GALNT9: variants seen among roughly 807,000 people sequenced by gnomAD.
GALNT9 encodes the protein polypeptide N-acetylgalactosaminyltransferase 9, also known as GalNAc transferase 9.
In GALNT9, 47 loss-of-function variants were observed where a neutral mutation model predicts 63.1. That is an observed-to-expected ratio of 0.75 (90% confidence interval 0.59 to 0.95). The LOEUF (loss-of-function observed/expected upper bound fraction) is 0.95. GALNT9 is among the 40% of genes least tolerant of loss of function. The pLI is 0.00. For synonymous variants in GALNT9, 396 were observed against 365.7 expected, an observed-to-expected ratio of 1.08 and a Z score of -0.94; for missense variants, 829 against 874.8, an observed-to-expected ratio of 0.95 and a Z score of 0.66.
intron 2 of GALNT9, chr12:132,284,646 G>A (rs1555241993): frequency 6.6e-6 from 1 of 152,238 alleles, no homozygotes; most frequent in Non-Finnish European, 1.5e-5. Context: ...CCATGCCCAG[G>A]CCTCAGCCCT....
At chr12:132,200,985 G>C in intron 8 of GALNT9, 139 bp downstream of exon 8, 1 of 813,250 alleles carries the variant, frequency 1.2e-6, no homozygotes, top group Non-Finnish European at 1.9e-6. Context: ...GGCCTGTCGG[G>C]CCGAGTGGGA....
rs569534747 is a variant in GALNT9, at chr12:132,200,988, G to A, written c.1401+136C>T. 213 of 851,724 alleles carry A rather than the reference G, an allele frequency of 2.5e-4. 2 individuals are homozygous for A. In the South Asian group the frequency reaches 3.5e-3, roughly 14 times the overall value. The allele number at this position is 851,724 out of a possible 1,614,324, so 52.8% of individuals were successfully genotyped here. On this transcript the variant is annotated intron_variant, in intron 8 of 10. Transcript: ENST00000328957. ...GTCAGGGCGGAAGGCCTGTCGGGCC[G>A]AGTGGGACCCTCTGGGGGAGGCGCT... is the stretch of plus-strand genomic sequence containing the variant.
At chr12:132,216,653 C>T (rs11247010) in intron 6 of GALNT9, among the ~76,000 whole-genome samples, 1 of 152,338 alleles carries the variant, frequency 6.6e-6, no homozygotes, top group East Asian at 1.9e-4. Flanking sequence ...ACGTGGCTAC[C>T]TTGGGAGGTG....
intron 5 of GALNT9, among the ~76,000 whole-genome samples, chr12:132,249,076 A>C (rs1293515569): frequency 6.6e-6 from 1 of 152,254 alleles, no homozygotes; most frequent in Non-Finnish European, 1.5e-5. Flanking sequence ...ATTGAAAAAG[A>C]GGCAGGAAAA....
At chr12:132,228,910 G>A (rs1293759797) in intron 6 of GALNT9, among the ~76,000 whole-genome samples, 9 of 152,190 alleles carry the variant, frequency 5.9e-5, no homozygotes, top group South Asian at 4.1e-4. Context: ...CATTTCTACC[G>A]TCGCAGAAAT....
rs1878011942 is a variant in GALNT9, at chr12:132,236,590, A to G, written c.1077+11320T>C. Among the ~76,000 whole-genome samples, 1 of 151,766 alleles carries G rather than the reference A, an allele frequency of 6.6e-6. No homozygotes were observed. Among genetic ancestry groups the G allele is most frequent in the South Asian group, 2.1e-4 (1 of 4,816 alleles). On this transcript the variant is annotated intron_variant, in intron 6 of 10. Transcript: ENST00000328957. This position sits in a 1 kb window ranked among gnomAD's most constrained non-coding sequence, Gnocchi z 5.6. ...TTCTATCTTTCCTTTCAAGCTCCAA[A>G]CTTGCACTTTGATTTCCTTCAAGAG...
At chr12:132,268,092 C>T (rs1879714770) in intron 2 of GALNT9, among the ~76,000 whole-genome samples, 1 of 146,934 alleles carries the variant, frequency 6.8e-6, no homozygotes, top group South Asian at 2.1e-4. Context: ...TGCACACAAA[C>T]CCACACGCGC....
intron 6 of GALNT9, among the ~76,000 whole-genome samples, chr12:132,241,673 G>A (rs1555237191): frequency 9.4e-4 from 38 of 40,406 alleles, no homozygotes; most frequent in African/African-American, 2.2e-3. Flanking sequence ...CCCCCTTCCC[G>A]GGGCCCTCCC....
intron 6 of GALNT9, chr12:132,240,432 G>A (rs1438808159): frequency 2.2e-5 from 8 of 361,606 alleles, no homozygotes; most frequent in Non-Finnish European, 4.3e-5. Flanking sequence ...GTTCAGCGCA[G>A]ACATGGCCTC....
intron 6 of GALNT9, chr12:132,240,706 T>C (rs2136899264): frequency 2.2e-6 from 1 of 455,972 alleles, no homozygotes; most frequent in South Asian, 1.5e-5. Flanking sequence ...ATTTACCTTA[T>C]CTTGCTGGAA....
chr12:132,243,308 C>T (rs1163308002), intron 6 of GALNT9, among the ~76,000 whole-genome samples: 2 of 133,340 alleles, frequency 1.5e-5, no homozygotes, highest in African/African-American at 6.5e-5. Context: ...TCCCTATACC[C>T]ATTACACACA....
At position 132,257,824 on chromosome 12, in the gene GALNT9, T is replaced by C; in HGVS notation, c.824A>G (p.Asp275Gly). The C allele has an allele frequency of 6.5e-7, 1 of 1,550,246 alleles. No homozygotes were observed. Among genetic ancestry groups the C allele is most frequent in the Non-Finnish European group, 8.7e-7 (1 of 1,146,806 alleles). The part of the protein sequence containing the change: ...DRRRIVLPAI[D>G]NIKYSTFEVQ... ...CTCAAACGTGCTGTACTTGATGTTGTCGATGGCTGGCAGCACGATGCGACG... is the reference window on the plus strand; with the variant it reads ...CTCAAACGTGCTGTACTTGATGTTGCCGATGGCTGGCAGCACGATGCGACG... Residue 275 changes from aspartate to glycine, a missense_variant, in exon 5 of 11, where the codon GAC (aspartate) becomes GGC (glycine). By Grantham distance (94) the Asp-to-Gly change is moderately conservative (BLOSUM62 -1). Transcript: ENST00000328957.
chr12:132,292,386 C>T (rs1165322915), intron 1 of GALNT9, among the ~76,000 whole-genome samples: 12 of 152,210 alleles, frequency 7.9e-5, no homozygotes, highest in African/African-American at 2.4e-4. Context: ...TCTCCCTCCC[C>T]ATCCCCGCAA....
chr12:132,213,811 G>T (rs1877071086), intron 6 of GALNT9, among the ~76,000 whole-genome samples: 1 of 152,238 alleles, frequency 6.6e-6, no homozygotes, highest in African/African-American at 2.4e-5. Context: ...GCTCTCTCGA[G>T]CAGAATGCAG....
intron 6 of GALNT9, among the ~76,000 whole-genome samples, chr12:132,216,458 G>A (rs905938349): frequency 2.0e-5 from 3 of 152,368 alleles, no homozygotes; most frequent in Admixed American, 6.5e-5. Flanking sequence ...TGGCACAGCC[G>A]CAGGCCCAGC....
intron 6 of GALNT9, among the ~76,000 whole-genome samples, chr12:132,209,449 C>T (rs150898276): frequency 0.018 from 2,703 of 152,086 alleles, 90 homozygotes; most frequent in African/African-American, 0.062. Flanking sequence ...ACTTGGGAGG[C>T]TGAGGCAGGA....
rs2135587762 is a variant in GALNT9 at position 132,316,100 on chromosome 12, C to G, written c.238+12866G>C. ...TGTTTCCTCATCAGCCTTTCGCCTCCTCTCTCACTGAAAGAAGAGGCAGGC... is the reference window on the plus strand; with the variant it reads ...TGTTTCCTCATCAGCCTTTCGCCTCGTCTCTCACTGAAAGAAGAGGCAGGC... On this transcript the variant is annotated intron_variant, in intron 1 of 10. Coordinates refer to ENST00000328957, the MANE Select transcript of GALNT9 (RefSeq NM_001122636.2). The surrounding 1 kb of genome is among the most constrained non-coding windows in gnomAD (Gnocchi z 4.3). Among the ~76,000 whole-genome samples the G allele has an allele frequency of 6.6e-6, 1 of 152,300 alleles. No homozygotes were observed. Among genetic ancestry groups the G allele is most frequent in the Non-Finnish European group, 1.5e-5 (1 of 68,020 alleles).
At chr12:132,288,646 C>A (rs141247675) in intron 1 of GALNT9, among the ~76,000 whole-genome samples, 3,360 of 152,132 alleles carry the variant, frequency 0.022, 45 homozygotes, top group Middle Eastern at 0.092. Context: ...AGGAGGGTGG[C>A]TGAGCGTGGT....
chr12:132,248,356 C>G (rs1333825969), intron 5 of GALNT9, among the ~76,000 whole-genome samples: 1 of 152,190 alleles, frequency 6.6e-6, no homozygotes, highest in Non-Finnish European at 1.5e-5. Context: ...CGCCTGTTAT[C>G]CCAGCACTTA....
Sources: gnomAD v4.1 joint callset for allele counts (sites outside exome capture counted in the v4.1 genomes callset) on GRCh38, gnomAD v4.1.1 for gene constraint, Gnocchi (gnomAD v3.1) non-coding constraint, MANE v1.5 for transcripts, NCBI Gene and HGNC (gene_info 2026-07-23, HGNC 2026-07-21) for gene names.